Variants in VWC2L observed in about 807,000 individuals in gnomAD.
The protein encoded by VWC2L is von Willebrand factor C domain-containing protein 2-like.
A neutral mutation model predicts 21.6 loss-of-function variants in VWC2L; 10 were observed. The ratio of observed to expected loss-of-function variants is 0.46; its 90% CI spans 0.29 to 0.78. The LOEUF is 0.78. VWC2L is among the 30% of genes least tolerant of loss of function. The probability of loss-of-function intolerance (pLI) is 0.10; values close to 1 mark genes in which losing one functional copy is unlikely to be tolerated. For synonymous variants in VWC2L, 96 were observed against 94.3 expected (o/e 1.02, Z -0.10); for missense variants, 209 against 277.1 (o/e 0.75, Z 1.74).
chr2:214,538,386 A>G (rs1689569642), intron 3 of VWC2L, among the ~76,000 whole-genome samples: 1 of 152,090 alleles, frequency 6.6e-6, no homozygotes, highest in Non-Finnish European at 1.5e-5. Flanking sequence ...ATGCAGGTCA[A>G]ATGAATATTA....
chr2:214,482,807 TACTTG>T (rs1214269166), intron 3 of VWC2L, among the ~76,000 whole-genome samples: 4 of 152,250 alleles, frequency 2.6e-5, no homozygotes, highest in East Asian at 1.9e-4. Context: ...AATTTCAGTC[TACTTG>T]ATAGCCAGTT....
At chr2:214,566,808 G>A (rs1230554659) in intron 3 of VWC2L, among the ~76,000 whole-genome samples, 1 of 152,160 alleles carries the variant, frequency 6.6e-6, no homozygotes, top group African/African-American at 2.4e-5. Context: ...CTGGTTTTTA[G>A]AAACATTTTT....
intron 2 of VWC2L, among the ~76,000 whole-genome samples, chr2:214,425,755 G>T (rs79265678): frequency 6.6e-6 from 1 of 152,048 alleles, no homozygotes; most frequent in Non-Finnish European, 1.5e-5. Context: ...GATCTTGTGG[G>T]CTATACCAAA....
chr2:214,522,147 G>A (rs1362161117), intron 3 of VWC2L, among the ~76,000 whole-genome samples: 2 of 152,136 alleles, frequency 1.3e-5, no homozygotes, highest in Admixed American at 6.5e-5. Flanking sequence ...AGGCCGAAGC[G>A]GGTGGATCAC....
chr2:214,417,076 A>T (rs1702368039), intron 2 of VWC2L, among the ~76,000 whole-genome samples: 1 of 152,178 alleles, frequency 6.6e-6, no homozygotes, highest in African/African-American at 2.4e-5. Context: ...ATTAGCCATA[A>T]TCTGTCATCT....
intron 3 of VWC2L, among the ~76,000 whole-genome samples, chr2:214,529,832 G>GC (rs1689405395): frequency 6.6e-6 from 1 of 152,062 alleles, no homozygotes. Flanking sequence ...TCATCTATGC[G>GC]CATCTGTTCA....
At chr2:214,535,931 T>C (rs1689520724) in intron 3 of VWC2L, among the ~76,000 whole-genome samples, 1 of 152,122 alleles carries the variant, frequency 6.6e-6, no homozygotes, top group African/African-American at 2.4e-5. Context: ...ACCTCAGTTT[T>C]CAGGCTTTCT....
chr2:214,448,305 A>G (rs1190344891), intron 3 of VWC2L, among the ~76,000 whole-genome samples: 2 of 152,240 alleles, frequency 1.3e-5, no homozygotes, highest in Non-Finnish European at 2.9e-5. Flanking sequence ...TGTATCTTCA[A>G]TATAGCTGTA....
At chr2:214,552,917 A>G (rs1362288625) in intron 3 of VWC2L, among the ~76,000 whole-genome samples, 1 of 152,182 alleles carries the variant, frequency 6.6e-6, no homozygotes, top group African/African-American at 2.4e-5. Context: ...TTTTCTCCTA[A>G]GCTTTCCTCT....
intron 3 of VWC2L, among the ~76,000 whole-genome samples, chr2:214,572,369 C>T (rs1690162186): frequency 6.6e-6 from 1 of 152,174 alleles, no homozygotes; most frequent in Admixed American, 6.5e-5. Flanking sequence ...AACCTTTTCT[C>T]AGAGGTCCTA....
chr2:214,547,206 G>C (rs117167029), intron 3 of VWC2L, among the ~76,000 whole-genome samples: 2 of 90,014 alleles, frequency 2.2e-5, no homozygotes, highest in East Asian at 5.6e-4. Context: ...CTTGGGGTTA[G>C]TTTACTTCTG....
Position 214,414,449 on chromosome 2 carries a change from G to C in VWC2L, c.256G>C (p.Asp86His). 1 of 1,613,406 alleles carries C rather than the reference G, an allele frequency of 6.2e-7. No homozygotes were observed. Among genetic ancestry groups the C allele is most frequent in the Non-Finnish European group, 8.5e-7 (1 of 1,179,626 alleles). ...CTGTGCTCTAGATGGACCTGTTTGC[G>C]ACCAACCAGAATGCCCTAAAATTCA... The part of the protein sequence containing the change: ...CVCALDGPVC[D>H]QPECPKIHPK... Residue 86 changes from aspartate to histidine, a missense_variant, in exon 2 of 4, where the codon GAC becomes CAC. Asp to His is a moderately conservative substitution (Grantham distance 81). Coordinates refer to ENST00000312504, the MANE Select transcript of VWC2L (RefSeq NM_001080500.4).
At chr2:214,574,904 T>C (rs1205754808) in intron 3 of VWC2L, among the ~76,000 whole-genome samples, 1 of 151,948 alleles carries the variant, frequency 6.6e-6, no homozygotes, top group Non-Finnish European at 1.5e-5. Flanking sequence ...TTTAAAAACC[T>C]GAAATTGGTG....
chr2:214,477,138 A>T (rs549389946), intron 3 of VWC2L, among the ~76,000 whole-genome samples: 122 of 152,370 alleles, frequency 8.0e-4, no homozygotes, highest in South Asian at 3.5e-3. Flanking sequence ...CTGAAGCATC[A>T]GGCATATATA....
At chr2:214,538,451 T>C (rs1689572208) in intron 3 of VWC2L, among the ~76,000 whole-genome samples, 1 of 152,062 alleles carries the variant, frequency 6.6e-6, no homozygotes, top group Non-Finnish European at 1.5e-5. Context: ...GTTGAGCAAG[T>C]AACTTCGTGG....
intron 3 of VWC2L, among the ~76,000 whole-genome samples, chr2:214,483,289 C>T (rs752820789): frequency 5.3e-5 from 8 of 151,966 alleles, no homozygotes; most frequent in Admixed American, 2.6e-4. Context: ...AGATGGAGAG[C>T]AGGCAAATAG....
chr2:214,577,955 A>G lies in VWC2L; in HGVS notation c.*2135A>G, dbSNP rs1004213677. ...TGGTGCCTTTCATTTGCCACCATGG[A>G]TACATCATATAGACAGTCATGAATC... On this transcript the variant is annotated 3_prime_UTR_variant, in exon 4 of 4. Coordinates refer to ENST00000312504, the MANE Select transcript of VWC2L (RefSeq NM_001080500.4). The G allele has an allele frequency of 6.6e-6, 1 of 152,132 alleles. No individual in the cohort carries two copies. The highest frequency in any genetic ancestry group is 1.5e-5 in the Non-Finnish European group (1 of 68,032). 9.4% of individuals were successfully genotyped at this position (152,132 alleles called of 1,614,324 possible).
intron 3 of VWC2L, among the ~76,000 whole-genome samples, chr2:214,570,331 T>G (rs145592315): frequency 8.4e-4 from 128 of 152,312 alleles, no homozygotes; most frequent in Non-Finnish European, 1.3e-3. Flanking sequence ...TTTATAGATG[T>G]GCAAAATATG....
At chr2:214,475,641 G>C (rs1445910763) in intron 3 of VWC2L, among the ~76,000 whole-genome samples, 1 of 151,902 alleles carries the variant, frequency 6.6e-6, no homozygotes, top group Non-Finnish European at 1.5e-5. Flanking sequence ...CTGGTCAATG[G>C]TTGTCATGTA....
Sources: gnomAD v4.1 joint callset for allele counts (sites outside exome capture counted in the v4.1 genomes callset) on GRCh38, gnomAD v4.1.1 for gene constraint, MANE v1.5 for transcripts, NCBI Gene and HGNC (gene_info 2026-07-23, HGNC 2026-07-21) for gene names.